Variants in NSD3 observed in about 807,000 individuals in gnomAD.
The protein encoded by NSD3 is nuclear receptor binding SET domain protein 3, also known as histone-lysine N-methyltransferase NSD3.
Under a neutral mutation model 160.8 loss-of-function variants are expected in NSD3, and 24 were observed. That is an observed-to-expected ratio of 0.15 (90% CI 0.11 to 0.21). NSD3 has a LOEUF of 0.21. Ranked by LOEUF, NSD3 falls within the 10% of genes least tolerant of loss-of-function variation. The pLI is 1.00. For missense variants in NSD3, 1,157 were observed against 1,735.9 expected, an observed-to-expected ratio of 0.67 and a Z score of 5.93; for synonymous variants, 520 against 600.0, an observed-to-expected ratio of 0.87 and a Z score of 1.95.
chr8:38,378,290 G>C (rs564782580), intron 1 of NSD3, among the ~76,000 whole-genome samples: 7 of 152,070 alleles, frequency 4.6e-5, no homozygotes, highest in Non-Finnish European at 1.0e-4. Flanking sequence ...CAGATCACGA[G>C]GTCAGGAGTT....
In NSD3 at chr8:38,271,552, G is replaced by A. The variant is rs1808483270; in HGVS notation, c.*4089C>T. ...AGCTGTCTAATTATAGTATTCCCTA[G>A]TCCATCTGAAAATGGAAGCAAGTTC... On this transcript the variant is annotated 3_prime_UTR_variant, in exon 24 of 24. Transcript: ENST00000317025. 1 of 152,066 alleles carries A rather than the reference G, an allele frequency of 6.6e-6. No individual in the cohort carries two copies. The highest frequency in any genetic ancestry group is 1.5e-5 in the Non-Finnish European group (1 of 68,000). 9.4% of individuals were successfully genotyped at this position (152,066 alleles called of 1,614,324 possible).
In NSD3 at chr8:38,272,154, TC is replaced by T. The variant is rs1460158559; in HGVS notation, c.*3486del. 6.6e-6 allele frequency: 1 copy of T among 152,244 alleles called. No homozygotes were observed. The highest frequency in any genetic ancestry group is 1.5e-5 in the Non-Finnish European group (1 of 68,040). 9.4% of individuals were successfully genotyped at this position (152,244 alleles called of 1,614,324 possible). Reference sequence around the variant, plus strand: ...CACAACGTTATTTACAGACATGTTTTCAAATATTTTGTGTAAATGGCAGAAG... The same window carrying T: ...CACAACGTTATTTACAGACATGTTTTAAATATTTTGTGTAAATGGCAGAAG... On this transcript the variant is annotated 3_prime_UTR_variant, in exon 24 of 24. Coordinates refer to ENST00000317025, the MANE Select transcript of NSD3 (RefSeq NM_023034.2).
At chr8:38,377,828 G>T (rs1044423053) in intron 1 of NSD3, among the ~76,000 whole-genome samples, 2 of 152,066 alleles carry the variant, frequency 1.3e-5, no homozygotes, top group Non-Finnish European at 2.9e-5. Flanking sequence ...AGCTACTCGG[G>T]AGACTGAGGC....
chr8:38,272,401 A>G lies in NSD3; in HGVS notation c.*3240T>C, dbSNP rs1036050472. ...CTGTATCTCTCCCTGATTAGACATT[A>G]AAGAGGTGAATCACTGCCTCTGGCT... is the stretch of plus-strand genomic sequence containing the variant. On this transcript the variant is annotated 3_prime_UTR_variant, in exon 24 of 24. Transcript: ENST00000317025. 1 of 152,244 alleles carries G rather than the reference A, an allele frequency of 6.6e-6. No homozygotes were observed. Among genetic ancestry groups the G allele is most frequent in the African/African-American group, 2.4e-5 (1 of 41,446 alleles). The allele number at this position is 152,244 out of a possible 1,614,324, so 9.4% of individuals were successfully genotyped here.
At chr8:38,359,272 G>T (rs956787612) in intron 1 of NSD3, among the ~76,000 whole-genome samples, 1 of 151,998 alleles carries the variant, frequency 6.6e-6, no homozygotes, top group Non-Finnish European at 1.5e-5. Flanking sequence ...ATCCCTTTTT[G>T]AAGTAGTACA....
At chr8:38,292,235 C>G (rs1254165207) in intron 16 of NSD3, among the ~76,000 whole-genome samples, 6 of 152,194 alleles carry the variant, frequency 3.9e-5, no homozygotes, top group African/African-American at 1.4e-4. Flanking sequence ...GCAGTATGCA[C>G]TTCTTCTAAA....
intron 16 of NSD3, among the ~76,000 whole-genome samples, chr8:38,292,738 A>G (rs538177530): frequency 5.2e-4 from 79 of 151,822 alleles, no homozygotes; most frequent in African/African-American, 1.8e-3. Flanking sequence ...GCAGTGAGCC[A>G]AGATCGTGCC....
intron 1 of NSD3, among the ~76,000 whole-genome samples, chr8:38,356,446 G>A (rs1264952544): frequency 6.6e-6 from 1 of 152,074 alleles, no homozygotes; most frequent in African/African-American, 2.4e-5. Flanking sequence ...GCCAGGCATG[G>A]TGGCTCATGC....
chr8:38,325,652 G>A (rs187224976), intron 7 of NSD3, among the ~76,000 whole-genome samples: 40 of 146,422 alleles, frequency 2.7e-4, no homozygotes, highest in African/African-American at 9.9e-4. Flanking sequence ...CAGGTAGATC[G>A]CTTGAATCCA....
chr8:38,373,730 G>A (rs1811314598), intron 1 of NSD3, among the ~76,000 whole-genome samples: 1 of 151,724 alleles, frequency 6.6e-6, no homozygotes, highest in Non-Finnish European at 1.5e-5. Context: ...TCCCTATAAG[G>A]ATCACTTGAG....
intron 12 of NSD3, 127 bp downstream of exon 12, chr8:38,314,520 C>A (rs1483567878): frequency 2.2e-6 from 3 of 1,369,700 alleles, no homozygotes; most frequent in African/African-American, 1.5e-5. Flanking sequence ...GTTGAAATAC[C>A]TTTGGGAAGA....
At chr8:38,375,101 A>G (rs771353737) in intron 1 of NSD3, among the ~76,000 whole-genome samples, 4 of 152,228 alleles carry the variant, frequency 2.6e-5, no homozygotes, top group Non-Finnish European at 5.9e-5. Flanking sequence ...AATTCTACCA[A>G]ACACCTCAGA....
At chr8:38,343,501 G>A (rs1375971764) in intron 2 of NSD3, among the ~76,000 whole-genome samples, 5 of 151,844 alleles carry the variant, frequency 3.3e-5, no homozygotes, top group African/African-American at 7.3e-5. Flanking sequence ...TCAGGGGTTC[G>A]CGACCAGCCT....
Position 38,329,929 on chromosome 8 carries a change from C to T in NSD3, c.1066-36G>A. ...GATAGAGATTATCAGACATGCTTTA[C>T]TCTAATAGGTACATTAAAATTGATA... On this transcript the variant is annotated intron_variant, in intron 5 of 23. Coordinates refer to ENST00000317025, the MANE Select transcript of NSD3 (RefSeq NM_023034.2). The surrounding 1 kb of genome is among the most constrained non-coding windows in gnomAD (Gnocchi z 4.8). 1.3e-6 allele frequency: 2 copies of T among 1,528,774 alleles called. No homozygotes were observed. Among genetic ancestry groups the T allele is most frequent in the Non-Finnish European group, 1.7e-6 (2 of 1,147,838 alleles). The allele number at this position is 1,528,774 out of a possible 1,614,324, so 94.7% of individuals were successfully genotyped here. A position where few individuals can be genotyped will look rare whatever the true frequency, so the allele number is the denominator to read the frequency against.
chr8:38,373,309 G>A (rs1312090204), intron 1 of NSD3, among the ~76,000 whole-genome samples: 1 of 151,500 alleles, frequency 6.6e-6, no homozygotes, highest in Non-Finnish European at 1.5e-5. Context: ...TACAACCTAC[G>A]CCTCCCTTGT....
chr8:38,329,776 T>C lies in NSD3; in HGVS notation c.1183A>G (p.Ile395Val), dbSNP rs747803785. The change falls in exon 6 of 24, where the codon ATT (isoleucine) becomes GTT (valine). Residue 395 changes from isoleucine (I) to valine (V), a missense_variant. Transcript: ENST00000317025. The surrounding 1 kb of genome is among the most constrained non-coding windows in gnomAD (Gnocchi z 4.8). ...AAAGCCTCTTCAGGCTGTTTATCAA[T>C]GTAAATAAAAGTATACTGTTCTATT... Reference protein sequence around the residue: ...ERIEQYTFIYIDKQPEEALSQ... With the variant: ...ERIEQYTFIYVDKQPEEALSQ... The C allele has an allele frequency of 6.2e-7, 1 of 1,614,244 alleles. No individual in the cohort carries two copies. Among genetic ancestry groups the C allele is most frequent in the Non-Finnish European group, 8.5e-7 (1 of 1,180,044 alleles).
chr8:38,368,144 T>C (rs1290762763), intron 1 of NSD3, among the ~76,000 whole-genome samples: 1 of 152,014 alleles, frequency 6.6e-6, no homozygotes, highest in Non-Finnish European at 1.5e-5. Context: ...CACACCCAGC[T>C]AAAGGGGGTT....
Position 38,275,096 on chromosome 8 carries a change from AAG to A in NSD3, c.*543_*544del, listed in dbSNP as rs1808567080. On this transcript the variant is annotated 3_prime_UTR_variant, in exon 24 of 24. Coordinates refer to ENST00000317025, the MANE Select transcript of NSD3 (RefSeq NM_023034.2). ...GCCTATGAAAAGCATTTTGAAGGGAAAGAGAAGTGAGCCTACCTACTGCTCAG... is the reference window on the plus strand; with the variant it reads ...GCCTATGAAAAGCATTTTGAAGGGAAAGAAGTGAGCCTACCTACTGCTCAG... The A allele has an allele frequency of 8.6e-6, 2 of 232,606 alleles. No homozygotes were observed. Among genetic ancestry groups the A allele is most frequent in the Non-Finnish European group, 1.7e-5 (2 of 117,746 alleles). The allele number at this position is 232,606 out of a possible 1,614,324, so 14.4% of individuals were successfully genotyped here. A position where few individuals can be genotyped will look rare whatever the true frequency, so the allele number is the denominator to read the frequency against.
chr8:38,331,235 C>T (rs1029657151), intron 5 of NSD3, among the ~76,000 whole-genome samples, 196 bp downstream of exon 5: 11 of 152,000 alleles, frequency 7.2e-5, no homozygotes, highest in Non-Finnish European at 1.5e-4. Flanking sequence ...TAGTACTATA[C>T]GTCGTTTATA....
Sources: allele counts gnomAD v4.1 joint callset (sites outside exome capture counted in the v4.1 genomes callset), GRCh38; gene constraint gnomAD v4.1.1; non-coding constraint Gnocchi (gnomAD v3.1); transcripts MANE v1.5; gene names NCBI Gene and HGNC (gene_info 2026-07-23, HGNC 2026-07-21).